Variants in SMYD3 observed in about 807,000 individuals in gnomAD.
The protein encoded by SMYD3 is SET and MYND domain containing 3, also known as histone-lysine N-methyltransferase SMYD3.
SMYD3 carries 36 observed loss-of-function variants against 57.7 expected under a neutral mutation model. The ratio of observed to expected loss-of-function variants is 0.62; its 90% CI spans 0.48 to 0.82. The LOEUF (loss-of-function observed/expected upper bound fraction) is 0.82. SMYD3 is among the 40% of genes least tolerant of loss of function. The probability of loss-of-function intolerance (pLI) is 0.00; values close to 1 mark genes in which losing one functional copy is unlikely to be tolerated. For missense variants in SMYD3, 515 were observed against 538.8 expected (o/e 0.96, Z 0.44); for synonymous variants, 211 against 195.0 (o/e 1.08, Z -0.68).
chr1:245,953,247 T>G (rs1208048464), intron 5 of SMYD3: 1 of 999,886 alleles, frequency 1.0e-6, no homozygotes, highest in East Asian at 1.1e-4. Context: ...TTCTTCTTCT[T>G]CCATAGTTTA....
intron 1 of SMYD3, among the ~76,000 whole-genome samples, chr1:246,434,815 G>T (rs2067346863): frequency 6.6e-6 from 1 of 152,116 alleles, no homozygotes; most frequent in Non-Finnish European, 1.5e-5. Context: ...CAAAAGAAAA[G>T]AAATTGTTCT....
chr1:246,449,295 T>C (rs1406378677), intron 1 of SMYD3, among the ~76,000 whole-genome samples: 3 of 152,172 alleles, frequency 2.0e-5, no homozygotes, highest in Non-Finnish European at 4.4e-5. Flanking sequence ...CTCCACCAAA[T>C]TGAATAGATG....
At chr1:246,184,581 CTCTGAT>C (rs2062602870) in intron 5 of SMYD3, among the ~76,000 whole-genome samples, 1 of 152,162 alleles carries the variant, frequency 6.6e-6, no homozygotes, top group Admixed American at 6.5e-5. Flanking sequence ...AGCCCTAACC[CTCTGAT>C]TCTATTTGGA....
At chr1:246,148,242 G>GGCAC (rs1419545223) in intron 5 of SMYD3, among the ~76,000 whole-genome samples, 2 of 152,256 alleles carry the variant, frequency 1.3e-5, no homozygotes, top group African/African-American at 4.8e-5. Flanking sequence ...GCCAGAGCAG[G>GGCAC]GCACGTGGAG....
chr1:246,480,608 T>G (rs998196083), intron 1 of SMYD3, among the ~76,000 whole-genome samples: 1 of 152,112 alleles, frequency 6.6e-6, no homozygotes. Context: ...GACACAACGG[T>G]GGCTCTTACG....
chr1:246,329,913 G>A (rs1368103929), intron 4 of SMYD3, among the ~76,000 whole-genome samples: 1 of 152,150 alleles, frequency 6.6e-6, no homozygotes, highest in Non-Finnish European at 1.5e-5. Context: ...AAAAGGATCT[G>A]CGCCAATACA....
At chr1:246,077,450 G>A (rs1004008516) in intron 5 of SMYD3, among the ~76,000 whole-genome samples, 1 of 152,002 alleles carries the variant, frequency 6.6e-6, no homozygotes, top group African/African-American at 2.4e-5. Context: ...TTCTGTCTAA[G>A]CCAAGATGGC....
At chr1:245,763,176 C>A (rs541656983) in intron 11 of SMYD3, among the ~76,000 whole-genome samples, 2 of 152,342 alleles carry the variant, frequency 1.3e-5, no homozygotes, top group Admixed American at 6.5e-5. Flanking sequence ...ACACTTATTG[C>A]CAGAACCGTA....
At chr1:245,788,364 G>C (rs1254490980) in intron 10 of SMYD3, among the ~76,000 whole-genome samples, 1 of 152,222 alleles carries the variant, frequency 6.6e-6, no homozygotes, top group Non-Finnish European at 1.5e-5. Flanking sequence ...TGCTGGAATA[G>C]ACTACAAGCT....
intron 5 of SMYD3, among the ~76,000 whole-genome samples, chr1:246,316,447 C>G (rs1311397654): frequency 1.3e-5 from 2 of 151,400 alleles, no homozygotes; most frequent in South Asian, 2.1e-4. Context: ...GCAACCTCCC[C>G]CTCCCAGGTT....
intron 5 of SMYD3, among the ~76,000 whole-genome samples, chr1:246,032,637 G>T (rs995076683): frequency 6.6e-6 from 1 of 152,032 alleles, no homozygotes; most frequent in African/African-American, 2.4e-5. Context: ...CATGAACTTT[G>T]GTGTCTTCTG....
chr1:246,177,082 G>C (rs1484835257), intron 5 of SMYD3, among the ~76,000 whole-genome samples: 2 of 152,146 alleles, frequency 1.3e-5, no homozygotes, highest in Non-Finnish European at 2.9e-5. Context: ...AAAGATCTAT[G>C]ATTTTATTTA....
At chr1:246,430,703 GT>G (rs1231433831) in intron 1 of SMYD3, among the ~76,000 whole-genome samples, 1 of 152,102 alleles carries the variant, frequency 6.6e-6, no homozygotes, top group African/African-American at 2.4e-5. Flanking sequence ...TAAGCTAAGA[GT>G]TTTTATCTGG....
At chr1:246,217,760 G>A (rs1213722779) in intron 5 of SMYD3, among the ~76,000 whole-genome samples, 1 of 152,138 alleles carries the variant, frequency 6.6e-6, no homozygotes, top group African/African-American at 2.4e-5. Flanking sequence ...AAATATAATT[G>A]TAATTAAAGT....
At chr1:246,352,166 TAAAG>T (rs1399378489) in intron 2 of SMYD3, among the ~76,000 whole-genome samples, 1 of 127,636 alleles carries the variant, frequency 7.8e-6, no homozygotes, top group Non-Finnish European at 1.6e-5. Context: ...AAAAAAAACA[TAAAG>T]AAAGAAATGT....
chr1:246,086,781 T>C (rs1170392433), intron 5 of SMYD3, among the ~76,000 whole-genome samples: 2 of 152,204 alleles, frequency 1.3e-5, no homozygotes, highest in African/African-American at 2.4e-5. Flanking sequence ...GTTTGTTATG[T>C]AGGTAAATGT....
rs141349147 is a variant in SMYD3, at chr1:245,923,563, C to T, written c.702+4368G>A. 1.8e-4 allele frequency among the ~76,000 whole-genome samples: 27 copies of T among 152,268 alleles called. No homozygotes were observed. In the East Asian group the frequency reaches 5.2e-3, roughly 29 times the overall value. On this transcript the variant is annotated intron_variant, in intron 7 of 11. Coordinates refer to ENST00000490107, the MANE Select transcript of SMYD3 (RefSeq NM_001167740.2). The stretch of plus-strand genomic sequence containing the variant: ...AGAACTGCTTCCTACTCCTTGAACT[C>T]ACCATTCTGTCCCTGGCCTCTGTGT...
At chr1:246,081,669 C>T (rs910052138) in intron 5 of SMYD3, among the ~76,000 whole-genome samples, 11 of 152,208 alleles carry the variant, frequency 7.2e-5, no homozygotes, top group African/African-American at 1.9e-4. Flanking sequence ...GCTGGGATTA[C>T]AGGCATGAGC....
chr1:246,233,194 G>A (rs543441682), intron 5 of SMYD3, among the ~76,000 whole-genome samples: 15 of 123,736 alleles, frequency 1.2e-4, no homozygotes, highest in African/African-American at 4.1e-4. Context: ...CAGAGGAGAA[G>A]CACTCCTTCA....
Sources: gnomAD v4.1 joint callset for allele counts (sites outside exome capture counted in the v4.1 genomes callset) on GRCh38, gnomAD v4.1.1 for gene constraint, MANE v1.5 for transcripts, NCBI Gene and HGNC (gene_info 2026-07-23, HGNC 2026-07-21) for gene names.